ACO1: variants seen among roughly 807,000 people sequenced by gnomAD.
The protein encoded by ACO1 is cytoplasmic aconitate hydratase.
In ACO1, 78 loss-of-function variants were observed where a neutral mutation model predicts 105.1. The ratio of observed to expected loss-of-function variants is 0.74; its 90% CI spans 0.62 to 0.90. ACO1 has a LOEUF of 0.90. Among genes scored for constraint, ACO1 ranks in the 40% least tolerant of loss-of-function variants. The probability of loss-of-function intolerance (pLI) is 0.00; values close to 1 mark genes in which losing one functional copy is unlikely to be tolerated. For synonymous variants in ACO1, 364 were observed against 397.4 expected (o/e 0.92, Z 1.00); for missense variants, 965 against 1,111.1 (o/e 0.87, Z 1.87).
chr9:32,427,288 T>G lies in ACO1; in HGVS notation c.1349-13T>G. ...CAGCCTCCCACACTGCATCTGTGTT[T>G]ACCATTTCACAGGATTGTTAGCAAA... On this transcript the variant is annotated splice_polypyrimidine_tract_variant and intron_variant, in intron 11 of 20. Transcript: ENST00000309951. 6.2e-7 allele frequency: 1 copy of G among 1,614,050 alleles called. No homozygotes were observed. The highest frequency in any genetic ancestry group is 8.5e-7 in the Non-Finnish European group (1 of 1,179,962).
At chr9:32,440,424 G>A (rs1822451344) in intron 18 of ACO1, 41 bp from the exon 19 acceptor site, 1 of 1,611,536 alleles carries the variant, frequency 6.2e-7, no homozygotes, top group African/African-American at 1.3e-5. Context: ...TCCATTCTTT[G>A]CCTCTCCTGC....
intron 1 of ACO1, among the ~76,000 whole-genome samples, chr9:32,392,508 G>A (rs1821286796): frequency 6.6e-6 from 1 of 152,194 alleles, no homozygotes; most frequent in Non-Finnish European, 1.5e-5. Flanking sequence ...GAACATTGCT[G>A]CTGTTCTTCC....
At chr9:32,418,570 A>T in intron 6 of ACO1, 59 bp downstream of exon 6, 1 of 1,515,562 alleles carries the variant, frequency 6.6e-7, no homozygotes. Context: ...CTGTGATTCT[A>T]TTACATCTCA....
intron 1 of ACO1, among the ~76,000 whole-genome samples, chr9:32,396,822 T>C (rs899949317): frequency 6.6e-5 from 10 of 152,162 alleles, no homozygotes; most frequent in South Asian, 6.2e-4. Context: ...TCCTGGCATG[T>C]AATAGACAGT....
At position 32,390,515 on chromosome 9, in the gene ACO1, A is replaced by C. The variant is rs142483316; in HGVS notation, c.-23+5780A>C. 1.9e-3 allele frequency among the ~76,000 whole-genome samples: 285 copies of C among 152,340 alleles called. 2 individuals carry two copies. The highest frequency in any genetic ancestry group is 6.6e-3 in the African/African-American group (275 of 41,582). ...TTGCAGTCTTCAAATAAGAGAAGGA[A>C]TGTGTGCCTATCTTCTTTTCCTCTA... On this transcript the variant is annotated intron_variant, in intron 1 of 20. Coordinates refer to ENST00000309951, the MANE Select transcript of ACO1 (RefSeq NM_002197.3).
Position 32,450,510 on chromosome 9 carries a change from A to C in ACO1, c.*399A>C, listed in dbSNP as rs1246701811. ...TGTTCCTCTTACGCTCTGCTCAATG[A>C]AACCTTCCTCTTGAGGGTCATTTTC... On this transcript the variant is annotated 3_prime_UTR_variant, in exon 21 of 21. Transcript: ENST00000309951. 1.0e-5 allele frequency: 3 copies of C among 286,882 alleles called. No individual in the cohort carries two copies. Among genetic ancestry groups the C allele is most frequent in the Non-Finnish European group, 2.0e-5 (3 of 146,914 alleles). The allele number at this position is 286,882 out of a possible 1,614,324, so 17.8% of individuals were successfully genotyped here.
intron 19 of ACO1, among the ~76,000 whole-genome samples, chr9:32,441,069 A>G (rs943238062): frequency 6.6e-6 from 1 of 152,214 alleles, no homozygotes; most frequent in Admixed American, 6.5e-5. Flanking sequence ...TTTGGCAAGA[A>G]TGGGTTCTAA....
rs2026739 is a variant in ACO1, at chr9:32,418,239, G to T, written c.474+42G>T. ...GTTCCATTGTTTGGTTTTCTTTGTA[G>T]GCAGGGTACGAGGGAGAGATGCCAA... is the stretch of plus-strand genomic sequence containing the variant. On this transcript the variant is annotated intron_variant, in intron 5 of 20. Coordinates refer to ENST00000309951, the MANE Select transcript of ACO1 (RefSeq NM_002197.3). 0.7 allele frequency: 1,133,436 copies of T among 1,612,724 alleles called. 399,857 individuals carry two copies. The highest frequency in any genetic ancestry group is 0.78 in the Middle Eastern group (4,743 of 6,060).
At chr9:32,388,618 T>C (rs1821202591) in intron 1 of ACO1, among the ~76,000 whole-genome samples, 1 of 152,234 alleles carries the variant, frequency 6.6e-6, no homozygotes, top group African/African-American at 2.4e-5. Context: ...TTTGTACATC[T>C]ATGTGTACAT....
intron 4 of ACO1, among the ~76,000 whole-genome samples, chr9:32,416,208 C>T (rs975574683): frequency 1.3e-5 from 2 of 151,678 alleles, no homozygotes; most frequent in African/African-American, 4.8e-5. Context: ...GATTCTCCTG[C>T]CTCAGCCTCT....
chr9:32,410,559 CA>C (rs58605519), intron 4 of ACO1, among the ~76,000 whole-genome samples: 5,867 of 142,438 alleles, frequency 0.041, 261 homozygotes, highest in East Asian at 0.18. Flanking sequence ...GACTCCGTCT[CA>C]AAAAAAAAAG....
Position 32,436,398 on chromosome 9 carries a change from G to T in ACO1, c.2247+1G>T. ...TATCCATCTGCCTTCTGGGGAAATC[G>T]TGAGTATTGTCTTCTGCTTCCTGCA... On this transcript the variant is annotated splice_donor_variant, in intron 18 of 20. Transcript: ENST00000309951. LOFTEE classifies it high-confidence loss of function. 4 of 1,613,820 alleles carry T rather than the reference G, an allele frequency of 2.5e-6. No homozygotes were observed. Among genetic ancestry groups the T allele is most frequent in the Non-Finnish European group, 3.4e-6 (4 of 1,179,874 alleles).
chr9:32,435,679 T>C, intron 17 of ACO1, among the ~76,000 whole-genome samples: 1 of 152,218 alleles, frequency 6.6e-6, no homozygotes. Flanking sequence ...GGACCAGAAA[T>C]AGCTGTTCTG....
intron 1 of ACO1, among the ~76,000 whole-genome samples, chr9:32,385,639 T>G (rs1821142741): frequency 6.6e-6 from 1 of 152,236 alleles, no homozygotes; most frequent in Non-Finnish European, 1.5e-5. Context: ...TGCAAATCTC[T>G]TTGATGTCAA....
intron 19 of ACO1, 76 bp from the exon 20 acceptor site, chr9:32,448,820 C>G: frequency 6.5e-7 from 1 of 1,539,880 alleles, no homozygotes; most frequent in Non-Finnish European, 9.0e-7. Flanking sequence ...CCAGCTCTCT[C>G]ACAAAGTCTT....
intron 10 of ACO1, among the ~76,000 whole-genome samples, chr9:32,424,895 A>G (rs10813814): frequency 0.64 from 97,281 of 151,644 alleles, 32,621 homozygotes; most frequent in Middle Eastern, 0.8. Context: ...TCTGCTTTTC[A>G]CAGGACCCTC....
In ACO1 at chr9:32,391,579, G is replaced by A. The variant is rs1257877247; in HGVS notation, c.-23+6844G>A. On this transcript the variant is annotated intron_variant, in intron 1 of 20. Transcript: ENST00000309951. ...TCTCATCCTCTTGTCTTGATCTAAG[G>A]AGAACCCTGGGCAAGCCCATCTTTG... 2.0e-5 allele frequency among the ~76,000 whole-genome samples: 3 copies of A among 152,220 alleles called. No homozygotes were observed. In the East Asian group the frequency reaches 5.8e-4, roughly 29 times the overall value.
At chr9:32,393,568 G>T (rs139772823) in intron 1 of ACO1, among the ~76,000 whole-genome samples, 214 of 152,110 alleles carry the variant, frequency 1.4e-3, no homozygotes, top group African/African-American at 5.0e-3. Context: ...TTACTACCTT[G>T]TGAAGCATGT....
At chr9:32,399,182 G>A (rs1382155613) in intron 1 of ACO1, among the ~76,000 whole-genome samples, 1 of 152,162 alleles carries the variant, frequency 6.6e-6, no homozygotes, top group Non-Finnish European at 1.5e-5. Flanking sequence ...TCTCTCCAGA[G>A]TTACAGAGCT....
Sources: gnomAD v4.1 joint callset for allele counts (sites outside exome capture counted in the v4.1 genomes callset) on GRCh38, gnomAD v4.1.1 for gene constraint, MANE v1.5 for transcripts, NCBI Gene and HGNC (gene_info 2026-07-23, HGNC 2026-07-21) for gene names.